IQCJ: variants seen among roughly 807,000 people sequenced by gnomAD.
IQCJ encodes IQ motif containing J.
Under a neutral mutation model 11.0 loss-of-function variants are expected in IQCJ, and 9 were observed. The ratio of observed to expected loss-of-function variants is 0.82; its 90% CI spans 0.49 to 1.43. IQCJ has a LOEUF of 1.43. IQCJ is among the 40% of genes most tolerant of loss of function. The pLI, the probability that IQCJ is intolerant of heterozygous loss-of-function variation, is 0.00. For synonymous variants in IQCJ, 55 were observed against 51.3 expected (o/e 1.07, Z -0.31); for missense variants, 146 against 133.2 (o/e 1.10, Z -0.47).
In IQCJ at chr3:159,126,000, A is replaced by G. The variant is rs140068454; in HGVS notation, c.9+56559A>G. Among the ~76,000 whole-genome samples, 489 of 152,326 alleles carry G rather than the reference A, an allele frequency of 3.2e-3. 1 individual carries two copies. Among genetic ancestry groups the G allele is most frequent in the African/African-American group, 0.011 (463 of 41,566 alleles). On this transcript the variant is annotated intron_variant, in intron 1 of 3. Transcript: ENST00000397832. ...TGGCAAGTACAGCGGCTTCTCCCAG[A>G]AAGTTATGCTGAGAGCAGGGCGGGG...
intron 1 of IQCJ, among the ~76,000 whole-genome samples, chr3:159,147,904 T>G (rs1721006530): frequency 6.6e-6 from 1 of 152,182 alleles, no homozygotes; most frequent in African/African-American, 2.4e-5. Flanking sequence ...TTATACATCT[T>G]TCTGCTAAGA....
At chr3:159,117,344 T>C (rs940370854) in intron 1 of IQCJ, among the ~76,000 whole-genome samples, 17 of 152,194 alleles carry the variant, frequency 1.1e-4, no homozygotes, top group Admixed American at 4.6e-4. Flanking sequence ...GGAGAATTCA[T>C]GTGTTAGGAA....
intron 1 of IQCJ, among the ~76,000 whole-genome samples, chr3:159,101,530 A>G (rs1292766910): frequency 1.3e-5 from 2 of 152,184 alleles, no homozygotes; most frequent in African/African-American, 4.8e-5. Flanking sequence ...GACATCAACT[A>G]TCATCCCCAT....
chr3:159,164,606 A>T (rs1413264958), intron 1 of IQCJ, among the ~76,000 whole-genome samples: 1 of 152,138 alleles, frequency 6.6e-6, no homozygotes, highest in East Asian at 1.9e-4. Context: ...TGTCTCTAGT[A>T]AAAATACAAA....
chr3:159,216,774 T>C (rs1266595163), intron 1 of IQCJ, among the ~76,000 whole-genome samples: 1 of 152,160 alleles, frequency 6.6e-6, no homozygotes, highest in Non-Finnish European at 1.5e-5. Flanking sequence ...TACAATAGGA[T>C]GTCAGAGAGG....
In IQCJ at chr3:159,262,542, T is replaced by C; in HGVS notation, c.156-6T>C. The stretch of plus-strand genomic sequence containing the variant: ...TGCTGTTTTTTGTTTTGTTTTGTTT[T>C]TTCAGCATTCAGCGAGCATGGCGAG... On this transcript the variant is annotated splice_region_variant and splice_polypyrimidine_tract_variant and intron_variant, in intron 3 of 3. Coordinates refer to ENST00000397832, the MANE Select transcript of IQCJ (RefSeq NM_001042706.3). 6.2e-7 allele frequency: 1 copy of C among 1,611,828 alleles called. No individual in the cohort carries two copies. The highest frequency in any genetic ancestry group is 8.5e-7 in the Non-Finnish European group (1 of 1,178,530).
intron 1 of IQCJ, among the ~76,000 whole-genome samples, chr3:159,088,130 G>T (rs1174701029): frequency 6.6e-6 from 1 of 152,008 alleles, no homozygotes; most frequent in Non-Finnish European, 1.5e-5. Context: ...CTTTGTTCTC[G>T]TTGGTTTCAA....
chr3:159,177,666 C>T (rs1219826440), intron 1 of IQCJ, among the ~76,000 whole-genome samples: 2 of 152,102 alleles, frequency 1.3e-5, no homozygotes, highest in African/African-American at 2.4e-5. Context: ...ACCTTGATTG[C>T]ACTGGTGGTT....
chr3:159,238,143 T>C (rs1726700353), intron 1 of IQCJ, among the ~76,000 whole-genome samples: 2 of 152,122 alleles, frequency 1.3e-5, no homozygotes. Context: ...GAATATGCAC[T>C]ATCTTGTGGG....
intron 1 of IQCJ, among the ~76,000 whole-genome samples, chr3:159,240,147 G>A (rs772504443): frequency 2.0e-5 from 3 of 152,088 alleles, no homozygotes; most frequent in Non-Finnish European, 2.9e-5. Flanking sequence ...TGGAACCAGA[G>A]TCTATAGGAC....
At chr3:159,246,821 C>T (rs1041275561) in intron 2 of IQCJ, among the ~76,000 whole-genome samples, 8 of 152,242 alleles carry the variant, frequency 5.3e-5, no homozygotes, top group African/African-American at 1.9e-4. Flanking sequence ...AAAAGAGAGG[C>T]TAAGTTGCTC....
At chr3:159,213,101 A>G (rs2108096712) in intron 1 of IQCJ, among the ~76,000 whole-genome samples, 1 of 152,318 alleles carries the variant, frequency 6.6e-6, no homozygotes, top group Non-Finnish European at 1.5e-5. Flanking sequence ...GTACAGGGAA[A>G]GGGGATGCCT....
At chr3:159,071,977 C>T (rs1715593862) in intron 1 of IQCJ, among the ~76,000 whole-genome samples, 1 of 152,084 alleles carries the variant, frequency 6.6e-6, no homozygotes, top group South Asian at 2.1e-4. Flanking sequence ...TGTAGGCTGA[C>T]CATGCATCCA....
At chr3:159,113,626 A>G (rs1370060344) in intron 1 of IQCJ, among the ~76,000 whole-genome samples, 1 of 152,232 alleles carries the variant, frequency 6.6e-6, no homozygotes, top group African/African-American at 2.4e-5. Flanking sequence ...GGGAAGTGAT[A>G]TTCTTGGCAC....
intron 1 of IQCJ, among the ~76,000 whole-genome samples, chr3:159,143,109 A>T (rs1359274559): frequency 2.6e-5 from 4 of 152,190 alleles, no homozygotes; most frequent in Non-Finnish European, 4.4e-5. Context: ...GCTCTTAAGA[A>T]AGAAAATTCA....
intron 1 of IQCJ, among the ~76,000 whole-genome samples, chr3:159,107,273 TAA>T (rs1355179870): frequency 1.3e-5 from 2 of 152,126 alleles, no homozygotes; most frequent in African/African-American, 4.8e-5. Flanking sequence ...AGTGACCTTA[TAA>T]AAAAGACCCC....
intron 1 of IQCJ, among the ~76,000 whole-genome samples, chr3:159,215,884 G>T (rs1165119409): frequency 1.3e-5 from 2 of 151,950 alleles, no homozygotes; most frequent in East Asian, 3.8e-4. Flanking sequence ...TCCCCTACAA[G>T]ATCAAGTGCC....
chr3:159,146,897 A>C (rs1720953709), intron 1 of IQCJ, among the ~76,000 whole-genome samples: 1 of 152,236 alleles, frequency 6.6e-6, no homozygotes, highest in African/African-American at 2.4e-5. Context: ...GCTTCCTAAG[A>C]CTTCATTACT....
rs908008791 is a variant in IQCJ at position 159,081,748 on chromosome 3, T to C, written c.9+12307T>C. On this transcript the variant is annotated intron_variant, in intron 1 of 3. Transcript: ENST00000397832. ...TTTTTCCAAGAATGTGGGGAAAGTA[T>C]GATTTTAATGCAAAATGAAGAAGAA... 6.0e-5 allele frequency among the ~76,000 whole-genome samples: 9 copies of C among 148,938 alleles called. No individual in the cohort carries two copies. The East Asian group carries it at 1.7e-3, about 29-fold the overall frequency.
Sources: gnomAD v4.1 joint callset for allele counts (sites outside exome capture counted in the v4.1 genomes callset) on GRCh38, gnomAD v4.1.1 for gene constraint, MANE v1.5 for transcripts, NCBI Gene and HGNC (gene_info 2026-07-23, HGNC 2026-07-21) for gene names.